Variants in LMLN observed in about 807,000 individuals in gnomAD.
LMLN encodes leishmanolysin like peptidase, also known as leishmanolysin-like peptidase.
LMLN carries 70 observed loss-of-function variants against 92.3 expected under a neutral mutation model. The observed-to-expected ratio is 0.76, with a 90% CI of 0.63 to 0.92. The LOEUF (loss-of-function observed/expected upper bound fraction) is 0.92, where lower values mean the gene tolerates loss of function less well. Among genes scored for constraint, LMLN ranks in the 40% least tolerant of loss-of-function variants. The pLI, the probability that LMLN is intolerant of heterozygous loss-of-function variation, is 0.00. For synonymous variants in LMLN, 308 were observed against 296.2 expected (o/e 1.04, Z -0.41); for missense variants, 691 against 814.6 (o/e 0.85, Z 1.85).
At chr3:197,975,161 A>T in intron 3 of LMLN, 89 bp downstream of exon 3, 1 of 706,498 alleles carries the variant, frequency 1.4e-6, no homozygotes, top group Non-Finnish European at 2.4e-6. Flanking sequence ...TATATACATG[A>T]CTTTTGTGAC....
exon 16 of LMLN, chr3:198,038,974 C>T (rs147127300): frequency 0.019 from 5,798 of 309,034 alleles, 96 homozygotes; most frequent in Non-Finnish European, 0.028. Context: ...CATCAGCAAC[C>T]CAACCACCTC....
intron 14 of LMLN, among the ~76,000 whole-genome samples, chr3:198,035,327 G>A (rs948512739): frequency 1.4e-5 from 2 of 147,732 alleles, no homozygotes; most frequent in East Asian, 4.0e-4. Flanking sequence ...CACACAGAGT[G>A]TAATTCTTTT....
intron 14 of LMLN, among the ~76,000 whole-genome samples, chr3:198,028,958 A>G (rs1723006290): frequency 6.6e-6 from 1 of 152,024 alleles, no homozygotes; most frequent in Admixed American, 6.6e-5. Flanking sequence ...TTCCAGCCCC[A>G]TGTCTGAACT....
chr3:197,968,478 G>T (rs11185490), intron 1 of LMLN, among the ~76,000 whole-genome samples: 4 of 151,550 alleles, frequency 2.6e-5, no homozygotes, highest in African/African-American at 9.7e-5. Flanking sequence ...AAAAGAAATT[G>T]TAAGAGTATT....
intron 15 of LMLN, 24 bp downstream of exon 16, chr3:198,036,067 T>A: frequency 6.3e-7 from 1 of 1,596,992 alleles, no homozygotes; most frequent in Non-Finnish European, 8.6e-7. Flanking sequence ...ATGGTTGGAA[T>A]AAAGAGGGAA....
At chr3:197,980,640 T>C (rs1721530399) in intron 6 of LMLN, 136 bp downstream of exon 6, 2 of 824,826 alleles carry the variant, frequency 2.4e-6, no homozygotes, top group South Asian at 1.7e-5. Flanking sequence ...GCATGCTGCC[T>C]GGGTTTGGAG....
chr3:197,961,384 A>G (rs1720877273), intron 1 of LMLN, among the ~76,000 whole-genome samples: 1 of 152,210 alleles, frequency 6.6e-6, no homozygotes, highest in African/African-American at 2.4e-5. Flanking sequence ...CAGCCCAGAA[A>G]TCTAAAGACA....
intron 14 of LMLN, among the ~76,000 whole-genome samples, chr3:198,034,410 G>T (rs1723155364): frequency 6.6e-6 from 1 of 152,120 alleles, no homozygotes; most frequent in Non-Finnish European, 1.5e-5. Context: ...AGGAGTTCAA[G>T]ACCAGCCTGG....
chr3:198,038,109 G>A (rs1723285678), intron 15 of LMLN, among the ~76,000 whole-genome samples: 1 of 149,468 alleles, frequency 6.7e-6, no homozygotes, highest in Admixed American at 6.7e-5. Context: ...CATTATTGAT[G>A]GTCCTCTCCC....
At chr3:198,030,008 GT>G (rs998616627) in intron 14 of LMLN, among the ~76,000 whole-genome samples, 1 of 150,704 alleles carries the variant, frequency 6.6e-6, no homozygotes. Context: ...ATGCCTAGCT[GT>G]TTTTTTTTAT....
At chr3:198,007,179 T>G (rs1722317894) in intron 11 of LMLN, among the ~76,000 whole-genome samples, 1 of 152,256 alleles carries the variant, frequency 6.6e-6, no homozygotes, top group South Asian at 2.1e-4. Context: ...GGGCAAATGT[T>G]TTTAGTTTTG....
At chr3:198,035,775 G>T in intron 14 of LMLN, 58 bp from the exon 16 acceptor site, 1 of 1,295,698 alleles carries the variant, frequency 7.7e-7, no homozygotes, top group South Asian at 1.3e-5. Flanking sequence ...AAATCTCTTA[G>T]AATCTTACTG....
At chr3:198,020,588 T>C (rs1722749406) in intron 12 of LMLN, among the ~76,000 whole-genome samples, 1 of 151,800 alleles carries the variant, frequency 6.6e-6, no homozygotes, top group Admixed American at 6.6e-5. Context: ...CATACAATTA[T>C]TTTATTTTTA....
At chr3:198,035,079 G>A (rs1723175035) in intron 14 of LMLN, among the ~76,000 whole-genome samples, 1 of 151,836 alleles carries the variant, frequency 6.6e-6, no homozygotes, top group Non-Finnish European at 1.5e-5. Context: ...GCACATGCCT[G>A]TAGTCCCAGC....
intron 1 of LMLN, among the ~76,000 whole-genome samples, chr3:197,970,890 AC>A (rs1254643081): frequency 6.6e-6 from 1 of 152,132 alleles, no homozygotes; most frequent in Non-Finnish European, 1.5e-5. Context: ...GAAACAGGTT[AC>A]CCTTTTGTGT....
intron 5 of LMLN, 109 bp downstream of exon 5, chr3:197,976,824 G>T: frequency 2.0e-6 from 1 of 505,898 alleles, no homozygotes; most frequent in Non-Finnish European, 3.6e-6. Context: ...AGCTTCCTTG[G>T]TCTACAAAAA....
intron 15 of LMLN, chr3:198,038,281 C>T: frequency 3.0e-6 from 1 of 336,108 alleles, no homozygotes; most frequent in Non-Finnish European, 5.5e-6. Flanking sequence ...CTCAGAATAA[C>T]CAAGATCTTT....
chr3:197,970,826 T>C (rs1220780996), intron 1 of LMLN, among the ~76,000 whole-genome samples: 1 of 152,258 alleles, frequency 6.6e-6, no homozygotes, highest in Non-Finnish European at 1.5e-5. Flanking sequence ...CACAATAGTC[T>C]TTCATATCTA....
At chr3:198,009,678 C>G (rs1722381588) in intron 11 of LMLN, among the ~76,000 whole-genome samples, 1 of 144,192 alleles carries the variant, frequency 6.9e-6, no homozygotes, top group African/African-American at 2.9e-5. Flanking sequence ...CTATTCTTAT[C>G]ATCTGTTTCA....
Sources: allele counts gnomAD v4.1 joint callset (sites outside exome capture counted in the v4.1 genomes callset), GRCh38; gene constraint gnomAD v4.1.1; transcripts MANE v1.5; gene names NCBI Gene and HGNC (gene_info 2026-07-23, HGNC 2026-07-21).